Variants in LETM1 observed in about 807,000 individuals in gnomAD.
LETM1 encodes the protein mitochondrial proton/calcium exchanger protein.
A neutral mutation model predicts 74.5 loss-of-function variants in LETM1; 50 were observed. The ratio of observed to expected loss-of-function variants is 0.67; its 90% CI spans 0.53 to 0.85. The LOEUF is 0.85. Among genes scored for constraint, LETM1 ranks in the 40% least tolerant of loss-of-function variants. The probability of loss-of-function intolerance (pLI) is 0.00; values close to 1 mark genes in which losing one functional copy is unlikely to be tolerated. For synonymous variants in LETM1, 446 were observed against 407.1 expected, an observed-to-expected ratio of 1.10 and a Z score of -1.15; for missense variants, 824 against 967.8, an observed-to-expected ratio of 0.85 and a Z score of 1.97.
chr4:1,828,993 ACCC>A (rs1329413768), intron 6 of LETM1, among the ~76,000 whole-genome samples: 1 of 46,192 alleles, frequency 2.2e-5, no homozygotes, highest in Non-Finnish European at 4.1e-5. Flanking sequence ...AGGGGGGCTG[ACCC>A]CCCCCCACCT....
intron 5 of LETM1, 163 bp from the exon 6 acceptor site, chr4:1,833,110 T>C (rs1004365241): frequency 2.9e-5 from 18 of 628,960 alleles, no homozygotes; most frequent in Admixed American, 2.5e-4. Flanking sequence ...CTCGCTCTGT[T>C]ACCCAGGCTG....
chr4:1,847,720 A>G (rs551039987), intron 2 of LETM1, among the ~76,000 whole-genome samples: 1 of 150,568 alleles, frequency 6.6e-6, no homozygotes, highest in African/African-American at 2.4e-5. Context: ...GCTACTAGGG[A>G]GGCTGAGGCA....
rs776015992 is a variant in LETM1, at chr4:1,815,747, T to A, written c.1987A>T (p.Ile663Phe). The change falls in exon 13 of 14, where the codon ATT becomes TTT. Residue 663 changes from isoleucine (I) to phenylalanine (F), a missense_variant. By Grantham distance (21) the Ile-to-Phe change is conservative. This residue lies in a region of LETM1 where 161 missense variants were observed against 252.7 expected (regional missense o/e 0.64). Coordinates refer to ENST00000302787, the MANE Select transcript of LETM1 (RefSeq NM_012318.3). Reference sequence around the variant, plus strand: ...AGGCTGGTGAGCTTGCTTTCGGGAATGTGCTTGACTTGCTTCATGGCGTTG... The same window carrying A: ...AGGCTGGTGAGCTTGCTTTCGGGAAAGTGCTTGACTTGCTTCATGGCGTTG... ...LINAMKQVKHIPESKLTSLAA... is the reference protein window; with the variant it reads ...LINAMKQVKHFPESKLTSLAA... The A allele has an allele frequency of 1.2e-6, 2 of 1,614,226 alleles. No homozygotes were observed. Among genetic ancestry groups the A allele is most frequent in the East Asian group, 2.2e-5 (1 of 44,884 alleles).
At position 1,819,488 on chromosome 4, in the gene LETM1, G is replaced by A. The variant is rs752308031; in HGVS notation, c.1609-16C>T. On this transcript the variant is annotated splice_polypyrimidine_tract_variant and intron_variant, in intron 10 of 13. Transcript: ENST00000302787. Reference sequence around the variant, plus strand: ...TCTCTTCCTCCTGGGATAAAAATGGGCAAACAACAAAGCCTGAGCCAAGGG... The same window carrying A: ...TCTCTTCCTCCTGGGATAAAAATGGACAAACAACAAAGCCTGAGCCAAGGG... The A allele has an allele frequency of 1.9e-6, 3 of 1,607,522 alleles. No homozygotes were observed. Among genetic ancestry groups the A allele is most frequent in the African/African-American group, 2.7e-5 (2 of 74,666 alleles).
chr4:1,834,741 C>T lies in LETM1; in HGVS notation c.876+104G>A. The T allele has an allele frequency of 6.5e-7, 1 of 1,537,928 alleles. No individual in the cohort carries two copies. Among genetic ancestry groups the T allele is most frequent in the Non-Finnish European group, 8.8e-7 (1 of 1,141,968 alleles). On this transcript the variant is annotated intron_variant, in intron 5 of 13. Transcript: ENST00000302787. The surrounding 1 kb of genome is among the most constrained non-coding windows in gnomAD (Gnocchi z 5.0). The stretch of plus-strand genomic sequence containing the variant: ...CCTGGGTAAACTTTCAAGCGCCAGC[C>T]AGCACCTGGGGGAGCTCCACTCTGC...
chr4:1,827,495 C>G (rs531182770), intron 6 of LETM1, among the ~76,000 whole-genome samples: 6 of 107,896 alleles, frequency 5.6e-5, no homozygotes, highest in Admixed American at 3.0e-4. Context: ...TGACTCTTAA[C>G]GAGCATGCTG....
intron 3 of LETM1, among the ~76,000 whole-genome samples, chr4:1,839,111 C>G (rs1462438538): frequency 6.6e-6 from 1 of 152,062 alleles, no homozygotes; most frequent in Non-Finnish European, 1.5e-5. Context: ...AGATTGCAGC[C>G]CTGAAACAAA....
rs1722500968 is a variant in LETM1 at position 1,812,615 on chromosome 4, AAG to A, written c.*1807_*1808del. ...GCACCCAGACACCACTTTTAGGTGC[AAG>A]AAGAAAGGTCAGGACATAGAGAAAA... is the stretch of plus-strand genomic sequence containing the variant. On this transcript the variant is annotated 3_prime_UTR_variant, in exon 14 of 14. Coordinates refer to ENST00000302787, the MANE Select transcript of LETM1 (RefSeq NM_012318.3). 1 of 152,308 alleles carries A rather than the reference AAG, an allele frequency of 6.6e-6. No individual in the cohort carries two copies. Among genetic ancestry groups the A allele is most frequent in the Admixed American group, 6.6e-5 (1 of 15,258 alleles). The allele number at this position is 152,308 out of a possible 1,614,324, so 9.4% of individuals were successfully genotyped here. A position where few individuals can be genotyped will look rare whatever the true frequency, so the allele number is the denominator to read the frequency against.
intron 1 of LETM1, among the ~76,000 whole-genome samples, chr4:1,850,170 A>T (rs1430011158): frequency 1.3e-5 from 2 of 152,032 alleles, no homozygotes; most frequent in African/African-American, 4.8e-5. Flanking sequence ...GAAAAAAAAA[A>T]TCTGAAAGAG....
rs113976519 is a variant in LETM1 at position 1,826,921 on chromosome 4, G to A, written c.1081-1238C>T. On this transcript the variant is annotated intron_variant, in intron 6 of 13. Transcript: ENST00000302787. ...GCAGTGGAGTCGGCGCTCCACCCAC[G>A]AAGGCAAGTGCTGAAGCTTCCCCTC... Among the ~76,000 whole-genome samples the A allele has an allele frequency of 1.9e-3, 291 of 152,266 alleles. 1 individual carries two copies. Among genetic ancestry groups the A allele is most frequent in the African/African-American group, 6.7e-3 (278 of 41,534 alleles).
chr4:1,840,671 A>C (rs1014385862), intron 3 of LETM1, among the ~76,000 whole-genome samples: 2 of 151,830 alleles, frequency 1.3e-5, no homozygotes, highest in African/African-American at 4.8e-5. Context: ...ATCTCAAAAA[A>C]TAAATAAATA....
intron 2 of LETM1, among the ~76,000 whole-genome samples, chr4:1,848,381 T>C (rs1026305864): frequency 3.2e-4 from 48 of 151,880 alleles, no homozygotes; most frequent in African/African-American, 1.1e-3. Flanking sequence ...ACCCCATCTC[T>C]ACTAAAAATA....
intron 6 of LETM1, among the ~76,000 whole-genome samples, chr4:1,829,805 A>T (rs1427510242): frequency 1.3e-5 from 2 of 152,206 alleles, no homozygotes; most frequent in Admixed American, 6.5e-5. Context: ...AGCCTGGGCA[A>T]CAGAACAAGA....
intron 4 of LETM1, 102 bp from the exon 5 acceptor site, chr4:1,835,084 TC>T: frequency 9.1e-7 from 1 of 1,093,390 alleles, no homozygotes; most frequent in Non-Finnish European, 1.3e-6. Flanking sequence ...CAGAAACATT[TC>T]ACAACACACT....
intron 10 of LETM1, among the ~76,000 whole-genome samples, chr4:1,820,916 C>T (rs988591991): frequency 2.0e-5 from 3 of 151,798 alleles, no homozygotes; most frequent in African/African-American, 4.8e-5. Flanking sequence ...CCCAGCTACT[C>T]GGGAGGCTGA....
At chr4:1,853,083 C>T (rs2108858757) in intron 1 of LETM1, among the ~76,000 whole-genome samples, 1 of 152,334 alleles carries the variant, frequency 6.6e-6, no homozygotes, top group African/African-American at 2.4e-5. Context: ...GCACAGTCCA[C>T]ACCTCCAAGA....
At chr4:1,814,682 C>T in intron 13 of LETM1, 109 bp from the exon 14 acceptor site, 1 of 868,582 alleles carries the variant, frequency 1.2e-6, no homozygotes, top group Non-Finnish European at 1.9e-6. Context: ...CAGCAGCATG[C>T]ACGCAATCAC....
chr4:1,849,303 C>CCTGGGCGCAAGA, intron 1 of LETM1, 94 bp from the exon 2 acceptor site: 1 of 878,874 alleles, frequency 1.1e-6, no homozygotes, highest in Non-Finnish European at 1.9e-6. Context: ...TTCGCTCTTG[C>CCTGGGCGCAAGA]GCCCAGGCTA....
At chr4:1,841,217 T>G in intron 3 of LETM1, 130 bp downstream of exon 3, 1 of 776,506 alleles carries the variant, frequency 1.3e-6, no homozygotes, top group Non-Finnish European at 2.1e-6. Flanking sequence ...TGGTGGCACA[T>G]GCCTGTGGTC....
Sources: gnomAD v4.1 joint callset for allele counts (sites outside exome capture counted in the v4.1 genomes callset) on GRCh38, gnomAD v4.1.1 for gene constraint, gnomAD v4.1.1 regional missense constraint, Gnocchi (gnomAD v3.1) non-coding constraint, MANE v1.5 for transcripts, NCBI Gene and HGNC (gene_info 2026-07-23, HGNC 2026-07-21) for gene names.